C10orf88: variants seen among roughly 807,000 people sequenced by gnomAD.
C10orf88 encodes chromosome 10 open reading frame 88.
A neutral mutation model predicts 34.2 loss-of-function variants in C10orf88; 29 were observed. The observed-to-expected ratio is 0.85, with a 90% confidence interval of 0.63 to 1.16. The LOEUF is 1.16. Ranked by LOEUF, C10orf88 falls within the 50% of genes most tolerant of loss-of-function variation. The pLI is 0.00. For synonymous variants in C10orf88, 194 were observed against 197.4 expected, an observed-to-expected ratio of 0.98 and a Z score of 0.15; for missense variants, 507 against 533.2, an observed-to-expected ratio of 0.95 and a Z score of 0.48.
chr10:122,953,958 C>T (rs1848720836), intron 1 of C10orf88, 57 bp downstream of exon 1: 1 of 1,461,904 alleles, frequency 6.8e-7, no homozygotes, highest in African/African-American at 1.5e-5. Flanking sequence ...TCACAGCTCC[C>T]CTAGAAGCGC....
Position 122,937,911 on chromosome 10 carries a change from T to G in C10orf88, c.897A>C (p.Gln299His). Reference protein sequence around the residue: ...TKLDECKVMPQNHSFLENDLK... With the variant: ...TKLDECKVMPHNHSFLENDLK... ...GATCATTTTCAAGAAAGGAATGGTTTTGAGGCATAACTTTACACTCATCAA... is the reference window on the plus strand; with the variant it reads ...GATCATTTTCAAGAAAGGAATGGTTGTGAGGCATAACTTTACACTCATCAA... Residue 299 changes from glutamine (Q) to histidine (H), a missense_variant, in exon 5 of 6, where the codon CAA (glutamine) becomes CAC (histidine). By Grantham distance (24) the Gln-to-His change is conservative. Transcript: ENST00000481909. 1.2e-6 allele frequency: 2 copies of G among 1,613,446 alleles called. No homozygotes were observed. The highest frequency in any genetic ancestry group is 1.1e-5 in the South Asian group (1 of 91,060).
intron 4 of C10orf88, among the ~76,000 whole-genome samples, chr10:122,943,657 T>C (rs1374050952): frequency 6.6e-6 from 1 of 152,038 alleles, no homozygotes; most frequent in Non-Finnish European, 1.5e-5. Flanking sequence ...GAATCTGCAA[T>C]GAACTCAAAC....
chr10:122,938,004 C>T lies in C10orf88; in HGVS notation c.804G>A (p.Val268=). 1 of 1,613,360 alleles carries T rather than the reference C, an allele frequency of 6.2e-7. No homozygotes were observed. The change falls in exon 5 of 6, where the codon GTG becomes GTA. Residue 268 remains valine (V), a synonymous_variant. Coordinates refer to ENST00000481909, the MANE Select transcript of C10orf88 (RefSeq NM_024942.4). ...PFRTGLTSGN[V]TENLQTYIDK... ...CAATGTAAGTTTGTAAGTTTTCAGT[C>T]ACGTTCCCAGATGTCAATCCAGTTC...
At chr10:122,953,163 C>T (rs1314637105) in intron 1 of C10orf88, 131 bp from the exon 2 acceptor site, 2 of 716,402 alleles carry the variant, frequency 2.8e-6, no homozygotes, top group South Asian at 1.8e-5. Context: ...CTGCACGCTC[C>T]GCCTTCCGGG....
At chr10:122,943,278 A>C (rs1203433031) in intron 4 of C10orf88, among the ~76,000 whole-genome samples, 15 of 143,990 alleles carry the variant, frequency 1.0e-4, no homozygotes, top group African/African-American at 3.9e-4. Flanking sequence ...TGGGGAAAGG[A>C]TTCCCTATTT....
At chr10:122,951,664 C>A (rs1191708131) in intron 3 of C10orf88, among the ~76,000 whole-genome samples, 1 of 152,070 alleles carries the variant, frequency 6.6e-6, no homozygotes, top group Non-Finnish European at 1.5e-5. Context: ...AGCCTCATCT[C>A]TACTAAAAAT....
At chr10:122,939,232 C>A (rs1350368257) in intron 4 of C10orf88, among the ~76,000 whole-genome samples, 6 of 151,416 alleles carry the variant, frequency 4.0e-5, no homozygotes, top group Non-Finnish European at 7.4e-5. Flanking sequence ...CCTGACCTCA[C>A]AGAGCCTATA....
At chr10:122,946,642 C>A (rs926916442) in intron 4 of C10orf88, among the ~76,000 whole-genome samples, 1 of 152,054 alleles carries the variant, frequency 6.6e-6, no homozygotes, top group Non-Finnish European at 1.5e-5. Context: ...GATAAACATG[C>A]AACCAATACA....
intron 4 of C10orf88, among the ~76,000 whole-genome samples, chr10:122,944,532 T>TA (rs749645915): frequency 1.3e-5 from 2 of 151,184 alleles, no homozygotes; most frequent in Non-Finnish European, 1.5e-5. Context: ...TAATAATAAT[T>TA]AAAAAAAAGA....
chr10:122,941,560 T>A (rs1848581676), intron 4 of C10orf88, among the ~76,000 whole-genome samples: 3 of 152,088 alleles, frequency 2.0e-5, no homozygotes, highest in Admixed American at 2.0e-4. Context: ...CATGAAACAT[T>A]CCCATTTTAT....
chr10:122,941,805 T>C (rs867288316), intron 4 of C10orf88, among the ~76,000 whole-genome samples: 6 of 151,996 alleles, frequency 3.9e-5, no homozygotes, highest in African/African-American at 1.2e-4. Context: ...CCTGCATTAG[T>C]GGTGAGAAGA....
chr10:122,951,122 A>G (rs1412220216), intron 3 of C10orf88, among the ~76,000 whole-genome samples: 2 of 152,114 alleles, frequency 1.3e-5, no homozygotes, highest in African/African-American at 4.8e-5. Flanking sequence ...TTATCCCTAG[A>G]CTCTGAAGAC....
At chr10:122,946,312 C>T (rs940459214) in intron 4 of C10orf88, among the ~76,000 whole-genome samples, 4 of 152,054 alleles carry the variant, frequency 2.6e-5, no homozygotes, top group African/African-American at 7.2e-5. Context: ...CCTATACAGG[C>T]GTGCCATTTT....
intron 4 of C10orf88, among the ~76,000 whole-genome samples, chr10:122,938,900 A>G (rs988152502): frequency 2.0e-5 from 3 of 152,024 alleles, no homozygotes; most frequent in African/African-American, 7.2e-5. Flanking sequence ...TCCATTGGAT[A>G]AAAGAAAATA....
intron 4 of C10orf88, among the ~76,000 whole-genome samples, chr10:122,945,416 G>T (rs947509560): frequency 3.9e-5 from 6 of 152,066 alleles, no homozygotes; most frequent in Non-Finnish European, 7.4e-5. Flanking sequence ...CTGCTTATAT[G>T]TTTTAAAAGT....
chr10:122,952,047 A>T (rs1564723558), intron 2 of C10orf88, 21 bp from the exon 3 acceptor site: 13 of 1,238,636 alleles, frequency 1.0e-5, no homozygotes, highest in Non-Finnish European at 1.5e-5. Context: ...AAAAGAATTA[A>T]TTTTTTTTAC....
At chr10:122,946,757 T>A (rs1445478492) in intron 4 of C10orf88, among the ~76,000 whole-genome samples, 2 of 152,122 alleles carry the variant, frequency 1.3e-5, no homozygotes, top group African/African-American at 4.8e-5. Flanking sequence ...ATTAAAGATG[T>A]AACATTAAAA....
intron 5 of C10orf88, among the ~76,000 whole-genome samples, chr10:122,936,968 T>C (rs974847631): frequency 3.9e-5 from 6 of 152,066 alleles, no homozygotes; most frequent in African/African-American, 1.4e-4. Flanking sequence ...TAGAGTTCTC[T>C]ATAAATGTCA....
At chr10:122,938,718 T>C (rs1247098245) in intron 4 of C10orf88, among the ~76,000 whole-genome samples, 1 of 151,994 alleles carries the variant, frequency 6.6e-6, no homozygotes, top group African/African-American at 2.4e-5. Flanking sequence ...TGTGACATTT[T>C]CAATGACTGA....
Sources: gnomAD v4.1 joint callset for allele counts (sites outside exome capture counted in the v4.1 genomes callset) on GRCh38, gnomAD v4.1.1 for gene constraint, MANE v1.5 for transcripts, NCBI Gene and HGNC (gene_info 2026-07-23, HGNC 2026-07-21) for gene names.